Variants in MCOLN2 observed in about 807,000 individuals in gnomAD.
The protein encoded by MCOLN2 is mucolipin TRP cation channel 2.
A neutral mutation model predicts 67.5 loss-of-function variants in MCOLN2; 57 were observed. That is an observed-to-expected ratio of 0.84 (90% CI 0.68 to 1.05). The LOEUF is 1.05. MCOLN2 is among the 50% of genes least tolerant of loss of function. The pLI is 0.00. For missense variants in MCOLN2, 620 were observed against 678.8 expected, an observed-to-expected ratio of 0.91 and a Z score of 0.96; for synonymous variants, 246 against 233.3, an observed-to-expected ratio of 1.05 and a Z score of -0.50.
chr1:84,951,556 T>C (rs939868257), intron 6 of MCOLN2, among the ~76,000 whole-genome samples: 3 of 152,244 alleles, frequency 2.0e-5, no homozygotes, highest in African/African-American at 7.2e-5. Flanking sequence ...GCCTCGAGGT[T>C]TGAAAATATT....
At chr1:84,974,339 C>T (rs1252570872) in intron 1 of MCOLN2, among the ~76,000 whole-genome samples, 1 of 151,828 alleles carries the variant, frequency 6.6e-6, no homozygotes, top group African/African-American at 2.4e-5. Context: ...ATCACCTCTC[C>T]CCTAACCCCA....
At chr1:84,957,578 TATATC>T (rs1468556810) in intron 3 of MCOLN2, among the ~76,000 whole-genome samples, 13 of 152,278 alleles carry the variant, frequency 8.5e-5, no homozygotes, top group African/African-American at 3.1e-4. Flanking sequence ...CCTAAATTAT[TATATC>T]ATCATCCTTA....
intron 1 of MCOLN2, among the ~76,000 whole-genome samples, chr1:84,987,546 ATG>A (rs1650639351): frequency 1.0e-5 from 1 of 98,998 alleles, no homozygotes; most frequent in African/African-American, 4.2e-5. Flanking sequence ...GTATACATAG[ATG>A]TATACATCTA....
chr1:84,965,486 C>T lies in MCOLN2; in HGVS notation c.237+63G>A, dbSNP rs1649329140. 5 of 1,545,626 alleles carry T rather than the reference C, an allele frequency of 3.2e-6. No individual in the cohort carries two copies. The African/African-American group carries it at 6.9e-5, about 21-fold the overall frequency. Reference sequence around the variant, plus strand: ...TTCAGAACAAAAGTCAAGTACAGAACACATGAAAAGAGTTTTGTCTTGTGG... The same window carrying T: ...TTCAGAACAAAAGTCAAGTACAGAATACATGAAAAGAGTTTTGTCTTGTGG... On this transcript the variant is annotated intron_variant, in intron 2 of 13. Coordinates refer to ENST00000370608, the MANE Select transcript of MCOLN2 (RefSeq NM_153259.4).
chr1:84,990,112 T>A (rs947617403), intron 1 of MCOLN2, among the ~76,000 whole-genome samples: 1 of 150,776 alleles, frequency 6.6e-6, no homozygotes, highest in Admixed American at 6.6e-5. Flanking sequence ...CTGGCCAACA[T>A]AGTGAAACCC....
intron 9 of MCOLN2, among the ~76,000 whole-genome samples, chr1:84,939,090 C>T (rs1367840948): frequency 6.6e-6 from 1 of 152,000 alleles, no homozygotes; most frequent in African/African-American, 2.4e-5. Flanking sequence ...GAGAATAGTG[C>T]GGTGAAGGAG....
rs1322137052 is a variant in MCOLN2, at chr1:84,929,625, A to G, written c.1597T>C (p.Cys533Arg). 2 of 1,613,774 alleles carry G rather than the reference A, an allele frequency of 1.2e-6. No individual in the cohort carries two copies. The highest frequency in any genetic ancestry group is 1.1e-5 in the South Asian group (1 of 91,070). Residue 533 changes from cysteine (C) to arginine (R), a missense_variant, in exon 13 of 14, where the codon TGC becomes CGC. Coordinates refer to ENST00000370608, the MANE Select transcript of MCOLN2 (RefSeq NM_153259.4). ...TTCTGATACTCTTCTTTGCTACTGC[A>G]TTCCTTCAGGAATTCCTGCAAATCC... ...ETDLQEFLKE[C>R]SSKEEYQKES...
chr1:84,953,812 A>G (rs1203568393), intron 4 of MCOLN2, among the ~76,000 whole-genome samples: 1 of 152,228 alleles, frequency 6.6e-6, no homozygotes, highest in Non-Finnish European at 1.5e-5. Context: ...GCAGGAAACA[A>G]GGAGCTCTAA....
intron 2 of MCOLN2, among the ~76,000 whole-genome samples, chr1:84,960,467 CGCTTGAGA>C (rs1270838667): frequency 1.3e-5 from 2 of 152,302 alleles, no homozygotes; most frequent in Middle Eastern, 3.4e-3. Context: ...AGGCAACTAT[CGCTTGAGA>C]AGGTACACAG....
chr1:84,989,062 T>C (rs1200545072), intron 1 of MCOLN2, among the ~76,000 whole-genome samples: 1 of 152,176 alleles, frequency 6.6e-6, no homozygotes, highest in Admixed American at 6.5e-5. Context: ...TCCTTCATAA[T>C]TGCAATCACA....
chr1:84,926,667 A>AT lies in MCOLN2; in HGVS notation c.*17dup. 1.3e-6 allele frequency: 2 copies of AT among 1,575,290 alleles called. No individual in the cohort carries two copies. The highest frequency in any genetic ancestry group is 1.7e-6 in the Non-Finnish European group (2 of 1,155,188). ...GCTGGATAAGGATGCCTGAACTTTA[A>AT]TCATCTTTAGCAGAACTTTAGCTAA... is the stretch of plus-strand genomic sequence containing the variant. On this transcript the variant is annotated 3_prime_UTR_variant, in exon 14 of 14. Transcript: ENST00000370608.
At chr1:84,988,889 A>G (rs544721086) in intron 1 of MCOLN2, among the ~76,000 whole-genome samples, 2 of 151,334 alleles carry the variant, frequency 1.3e-5, no homozygotes, top group South Asian at 4.2e-4. Flanking sequence ...TGCACATTTC[A>G]CTCACCATTT....
At chr1:84,995,051 C>T (rs911239589) in intron 1 of MCOLN2, among the ~76,000 whole-genome samples, 2 of 152,056 alleles carry the variant, frequency 1.3e-5, no homozygotes, top group African/African-American at 2.4e-5. Flanking sequence ...AATGGCTGGT[C>T]GGTGGAGTAG....
intron 11 of MCOLN2, among the ~76,000 whole-genome samples, chr1:84,933,181 C>T (rs775795980): frequency 6.6e-6 from 1 of 152,102 alleles, no homozygotes; most frequent in Non-Finnish European, 1.5e-5. Flanking sequence ...GACCAAGTGC[C>T]CTGGTAGTTC....
chr1:84,967,297 T>C (rs1012900528), intron 1 of MCOLN2, among the ~76,000 whole-genome samples: 3 of 152,214 alleles, frequency 2.0e-5, no homozygotes, highest in Non-Finnish European at 4.4e-5. Context: ...ATACCCTTCA[T>C]GGCTTAAGCC....
chr1:84,941,158 T>C (rs949133136), intron 7 of MCOLN2, among the ~76,000 whole-genome samples, 167 bp from the exon 8 acceptor site: 8 of 152,186 alleles, frequency 5.3e-5, no homozygotes, highest in Non-Finnish European at 1.2e-4. Context: ...CAGAAGTACA[T>C]ATGTAAGGCA....
intron 1 of MCOLN2, among the ~76,000 whole-genome samples, chr1:84,972,993 C>T (rs943830776): frequency 3.3e-5 from 5 of 152,088 alleles, no homozygotes; most frequent in Non-Finnish European, 7.4e-5. Flanking sequence ...TGTTTTTATC[C>T]CCTGCTGCAG....
chr1:84,968,336 C>G (rs1464027642), intron 1 of MCOLN2, among the ~76,000 whole-genome samples: 1 of 152,140 alleles, frequency 6.6e-6, no homozygotes, highest in African/African-American at 2.4e-5. Context: ...TTCTGGAGGA[C>G]CCAGACTGGA....
At chr1:84,977,123 A>C (rs662948) in intron 1 of MCOLN2, among the ~76,000 whole-genome samples, 1 of 151,616 alleles carries the variant, frequency 6.6e-6, no homozygotes, top group African/African-American at 2.4e-5. Context: ...TAGAGTTTTT[A>C]TTAGTTATTT....
Sources: gnomAD v4.1 joint callset for allele counts (sites outside exome capture counted in the v4.1 genomes callset) on GRCh38, gnomAD v4.1.1 for gene constraint, MANE v1.5 for transcripts, NCBI Gene and HGNC (gene_info 2026-07-23, HGNC 2026-07-21) for gene names.